The following DGKB variants were observed in gnomAD, a reference collection of about 807,000 sequenced individuals.
The protein encoded by DGKB is diacylglycerol kinase beta.
Under a neutral mutation model 114.3 loss-of-function variants are expected in DGKB, and 67 were observed. That is an observed-to-expected ratio of 0.59 (90% CI 0.48 to 0.72). The LOEUF (loss-of-function observed/expected upper bound fraction) is 0.72. Among genes scored for constraint, DGKB ranks in the 30% least tolerant of loss-of-function variants. DGKB has a pLI of 0.00. For missense variants in DGKB, 907 were observed against 975.2 expected, an observed-to-expected ratio of 0.93 and a Z score of 0.93; for synonymous variants, 398 against 323.1, an observed-to-expected ratio of 1.23 and a Z score of -2.49.
chr7:14,403,668 A>G (rs1426449608), intron 21 of DGKB, among the ~76,000 whole-genome samples: 1 of 151,998 alleles, frequency 6.6e-6, no homozygotes, highest in Non-Finnish European at 1.5e-5. Flanking sequence ...TTAGTTTTCA[A>G]TAAGGAAGTA....
Position 14,207,453 on chromosome 7 carries a change from G to T in DGKB, c.2123-29302C>A, listed in dbSNP as rs192098985. Among the ~76,000 whole-genome samples the T allele has an allele frequency of 7.1e-4, 108 of 152,062 alleles. 1 individual carries two copies. The East Asian group carries it at 0.015, about 21-fold the overall frequency. On this transcript the variant is annotated intron_variant, in intron 23 of 25. Transcript: ENST00000402815. Reference sequence around the variant, plus strand: ...GGGCATGGAGTCCGAAGTCCTAGGGGTAGCATCCTGTGCCCAGCTTCTCTG... The same window carrying T: ...GGGCATGGAGTCCGAAGTCCTAGGGTTAGCATCCTGTGCCCAGCTTCTCTG...
chr7:14,502,399 T>A (rs1034297847), intron 20 of DGKB, among the ~76,000 whole-genome samples: 2 of 151,932 alleles, frequency 1.3e-5, no homozygotes, highest in Non-Finnish European at 2.9e-5. Flanking sequence ...GAAAAAAACA[T>A]CCAGCTATGC....
At chr7:14,410,705 A>C (rs1198889963) in intron 21 of DGKB, among the ~76,000 whole-genome samples, 1 of 152,186 alleles carries the variant, frequency 6.6e-6, no homozygotes, top group Non-Finnish European at 1.5e-5. Context: ...AAATGAGTAA[A>C]TAGTTACCAC....
intron 2 of DGKB, among the ~76,000 whole-genome samples, chr7:14,794,127 C>A (rs957733626): frequency 5.9e-5 from 9 of 152,122 alleles, no homozygotes; most frequent in Non-Finnish European, 1.3e-4. Context: ...TCTTGTAAAT[C>A]ATTCTTCACA....
chr7:14,424,802 G>T (rs535904958), intron 21 of DGKB, among the ~76,000 whole-genome samples: 1 of 152,202 alleles, frequency 6.6e-6, no homozygotes, highest in Non-Finnish European at 1.5e-5. Flanking sequence ...CACACAGCAA[G>T]TAAGTAGTAG....
At chr7:14,382,205 G>C (rs2128684479) in intron 21 of DGKB, among the ~76,000 whole-genome samples, 1 of 152,274 alleles carries the variant, frequency 6.6e-6, no homozygotes, top group African/African-American at 2.4e-5. Flanking sequence ...AATTAGAAGA[G>C]GAGACTGGGG....
chr7:14,313,193 T>C (rs1447557554), intron 23 of DGKB, among the ~76,000 whole-genome samples: 1 of 152,138 alleles, frequency 6.6e-6, no homozygotes, highest in Non-Finnish European at 1.5e-5. Context: ...ATATCACTCT[T>C]TTTCCCAACT....
chr7:14,430,936 A>C (rs1828361920), intron 21 of DGKB, among the ~76,000 whole-genome samples: 1 of 152,154 alleles, frequency 6.6e-6, no homozygotes, highest in African/African-American at 2.4e-5. Context: ...TCTATTCTGC[A>C]TAGACATATC....
chr7:14,671,706 T>C (rs1269923649), intron 13 of DGKB, among the ~76,000 whole-genome samples: 1 of 152,110 alleles, frequency 6.6e-6, no homozygotes, highest in Admixed American at 6.6e-5. Context: ...GAAGAAATCA[T>C]AGATCTCATC....
chr7:14,175,388 C>T (rs1781575010), intron 25 of DGKB, among the ~76,000 whole-genome samples: 1 of 152,206 alleles, frequency 6.6e-6, no homozygotes, highest in Non-Finnish European at 1.5e-5. Context: ...ATCACACTAT[C>T]ATTCTTAGGT....
intron 9 of DGKB, among the ~76,000 whole-genome samples, chr7:14,691,804 G>T (rs1822914864): frequency 1.3e-5 from 2 of 151,598 alleles, no homozygotes; most frequent in Admixed American, 1.3e-4. Context: ...ATTAAATAAG[G>T]TGCCTCTGCC....
At chr7:14,542,966 T>A (rs374306500) in intron 20 of DGKB, among the ~76,000 whole-genome samples, 11 of 152,258 alleles carry the variant, frequency 7.2e-5, no homozygotes, top group African/African-American at 2.6e-4. Flanking sequence ...TTAAGGATTT[T>A]GAGATAAAGG....
chr7:14,528,973 T>G (rs1031101257), intron 20 of DGKB, among the ~76,000 whole-genome samples: 4 of 152,070 alleles, frequency 2.6e-5, no homozygotes, highest in African/African-American at 9.6e-5. Flanking sequence ...GCACTGGGAT[T>G]CAGTGGCTAA....
At chr7:14,472,555 A>G (rs901612919) in intron 21 of DGKB, among the ~76,000 whole-genome samples, 9 of 152,198 alleles carry the variant, frequency 5.9e-5, no homozygotes, top group Non-Finnish European at 4.4e-5. Context: ...AGAATGGGGC[A>G]CTGCTGAAAA....
intron 20 of DGKB, among the ~76,000 whole-genome samples, chr7:14,490,583 A>C (rs1441757031): frequency 6.6e-6 from 1 of 152,174 alleles, no homozygotes; most frequent in East Asian, 1.9e-4. Context: ...AATTCCTGAA[A>C]GTTGAAAAGG....
chr7:14,218,740 A>G, intron 23 of DGKB, among the ~76,000 whole-genome samples: 1 of 152,010 alleles, frequency 6.6e-6, no homozygotes, highest in East Asian at 1.9e-4. Context: ...GTTTTTTTTT[A>G]TAGCTTTATT....
intron 13 of DGKB, among the ~76,000 whole-genome samples, chr7:14,661,296 A>G (rs13237402): frequency 0.67 from 94,039 of 140,844 alleles, 32,008 homozygotes; most frequent in East Asian, 0.78. Context: ...AATTTTCACA[A>G]CCTACTCATC....
intron 23 of DGKB, among the ~76,000 whole-genome samples, chr7:14,187,521 C>T (rs770700982): frequency 1.8e-4 from 28 of 152,172 alleles, no homozygotes; most frequent in Non-Finnish European, 2.8e-4. Flanking sequence ...ACCAGCCTAG[C>T]GCTCCTGTCC....
At chr7:14,801,922 A>G (rs570591948) in intron 2 of DGKB, among the ~76,000 whole-genome samples, 3 of 125,902 alleles carry the variant, frequency 2.4e-5, no homozygotes, top group Non-Finnish European at 4.6e-5. Context: ...ACATATATAC[A>G]TATACACACA....
Sources: gnomAD v4.1 joint callset for allele counts (sites outside exome capture counted in the v4.1 genomes callset) on GRCh38, gnomAD v4.1.1 for gene constraint, MANE v1.5 for transcripts, NCBI Gene and HGNC (gene_info 2026-07-23, HGNC 2026-07-21) for gene names.